Variants in ARFGEF1 observed in about 807,000 individuals in gnomAD.
ARFGEF1 encodes the protein brefeldin A-inhibited guanine nucleotide-exchange protein 1.
ARFGEF1 carries 42 observed loss-of-function variants against 231.0 expected under a neutral mutation model. The ratio of observed to expected loss-of-function variants is 0.18; its 90% CI spans 0.14 to 0.24. The LOEUF is 0.24. ARFGEF1 is among the 10% of genes least tolerant of loss of function. The pLI is 1.00. For missense variants in ARFGEF1, 1,345 were observed against 2,192.0 expected (o/e 0.61, Z 7.72); for synonymous variants, 710 against 732.3 (o/e 0.97, Z 0.49).
At chr8:67,271,045 G>GAAAAAAAAAAAAAAAAAAAAAA (rs1563878469) in intron 10 of ARFGEF1, among the ~76,000 whole-genome samples, 5 of 69,650 alleles carry the variant, frequency 7.2e-5, no homozygotes, top group East Asian at 7.6e-4. Flanking sequence ...AAAAAAAAAG[G>GAAAAAAAAAAAAAAAAAAAAAA]AAAAAGAAAA....
At chr8:67,257,639 T>C in intron 17 of ARFGEF1, 93 bp downstream of exon 17, 2 of 1,098,144 alleles carry the variant, frequency 1.8e-6, no homozygotes, top group Non-Finnish European at 2.7e-6. Context: ...TTTAACTGAA[T>C]AAAACTAAAA....
At chr8:67,328,640 T>C (rs549362207) in intron 1 of ARFGEF1, among the ~76,000 whole-genome samples, 6 of 152,216 alleles carry the variant, frequency 3.9e-5, no homozygotes, top group Non-Finnish European at 8.8e-5. Context: ...CACCTATCAC[T>C]GTTCTACCAT....
chr8:67,175,280 A>T, downstream of ARFGEF1: 1 of 1,590,618 alleles, frequency 6.3e-7, no homozygotes, highest in African/African-American at 1.4e-5. Context: ...GTTATATAAC[A>T]TATTTTTTAT....
chr8:67,285,538 AC>A (rs1231082462), intron 7 of ARFGEF1, among the ~76,000 whole-genome samples: 2 of 151,990 alleles, frequency 1.3e-5, no homozygotes, highest in Non-Finnish European at 2.9e-5. Context: ...AAAAAAAAAC[AC>A]TGGGTGAATA....
At chr8:67,267,265 A>T in intron 11 of ARFGEF1, 35 bp from the exon 12 acceptor site, 1 of 1,605,710 alleles carries the variant, frequency 6.2e-7, no homozygotes, top group Non-Finnish European at 8.5e-7. Context: ...AACAAAGTAC[A>T]TCTAGGATAT....
At chr8:67,200,098 G>A (rs1838272916) in intron 38 of ARFGEF1, 3 of 390,720 alleles carry the variant, frequency 7.7e-6, no homozygotes, top group South Asian at 5.9e-5. Flanking sequence ...ATGGGGCAAA[G>A]GGGGAGATTC....
In ARFGEF1 at chr8:67,253,436, A is replaced by T; in HGVS notation, c.2698+15T>A. 1 of 1,497,478 alleles carries T rather than the reference A, an allele frequency of 6.7e-7. No homozygotes were observed. The highest frequency in any genetic ancestry group is 2.3e-5 in the East Asian group (1 of 43,410). The allele number at this position is 1,497,478 out of a possible 1,614,324, so 92.8% of individuals were successfully genotyped here. On this transcript the variant is annotated intron_variant, in intron 18 of 38. Coordinates refer to ENST00000262215, the MANE Select transcript of ARFGEF1 (RefSeq NM_006421.5). ...CCCCTTGAACAATCAGAATTCAATTAATTTAGATACTTACTCTGTTTACTT... is the reference window on the plus strand; with the variant it reads ...CCCCTTGAACAATCAGAATTCAATTTATTTAGATACTTACTCTGTTTACTT...
intron 10 of ARFGEF1, among the ~76,000 whole-genome samples, chr8:67,268,817 T>C (rs1448477473): frequency 2.0e-5 from 3 of 152,238 alleles, no homozygotes; most frequent in Admixed American, 6.5e-5. Context: ...TCCATTAAGT[T>C]GTTTGGCCCT....
chr8:67,195,985 T>G (rs1189918461), downstream of ARFGEF1: 3 of 174,844 alleles, frequency 1.7e-5, no homozygotes, highest in Non-Finnish European at 3.7e-5. Context: ...AAGAATTCAT[T>G]TAGTAGGTAC....
At chr8:67,229,321 T>C (rs746511678) in intron 23 of ARFGEF1, among the ~76,000 whole-genome samples, 19 of 152,098 alleles carry the variant, frequency 1.2e-4, no homozygotes, top group Non-Finnish European at 2.6e-4. Context: ...GCCTCACACT[T>C]ACCTGAGCAA....
chr8:67,323,956 A>T (rs1270658342), intron 1 of ARFGEF1, among the ~76,000 whole-genome samples: 1 of 152,008 alleles, frequency 6.6e-6, no homozygotes, highest in Non-Finnish European at 1.5e-5. Flanking sequence ...ACCTGCCACT[A>T]CGCCTGGCTG....
chr8:67,246,574 C>A (rs1840114583), intron 19 of ARFGEF1, among the ~76,000 whole-genome samples: 1 of 149,598 alleles, frequency 6.7e-6, no homozygotes, highest in Non-Finnish European at 1.5e-5. Flanking sequence ...AATGAAGACA[C>A]AACGTACCCA....
intron 4 of ARFGEF1, among the ~76,000 whole-genome samples, chr8:67,298,216 T>G (rs540444415): frequency 6.6e-6 from 1 of 152,090 alleles, no homozygotes. Flanking sequence ...ACTTCATATA[T>G]ACACGTAAAA....
rs74996372 is a variant in ARFGEF1, at chr8:67,175,648, A to G, written c.561-76T>C. 2.5e-3 allele frequency: 1,711 copies of G among 675,410 alleles called. 37 individuals carry two copies. The East Asian group carries it at 0.045, about 18-fold the overall frequency. The allele number at this position is 675,410 out of a possible 1,614,324, so 41.8% of individuals were successfully genotyped here. On this transcript the variant is annotated intron_variant, in intron 5 of 5. Coordinates refer to the ARFGEF1 transcript ENST00000518789. Reference sequence around the variant, plus strand: ...CTAGGGTGGTGTATTCATGCATGAGAGGGGCCCAGTCATTCACTGTAGCCA... The same window carrying G: ...CTAGGGTGGTGTATTCATGCATGAGGGGGGCCCAGTCATTCACTGTAGCCA...
intron 37 of ARFGEF1, among the ~76,000 whole-genome samples, 200 bp downstream of exon 37, chr8:67,201,267 G>T (rs1302909259): frequency 2.0e-5 from 3 of 152,176 alleles, no homozygotes; most frequent in African/African-American, 4.8e-5. Flanking sequence ...CCTTTGTCCT[G>T]CATGTTAGAC....
At chr8:67,187,647 A>G (rs1394514418) in intron 5 of ARFGEF1, among the ~76,000 whole-genome samples, 1 of 151,924 alleles carries the variant, frequency 6.6e-6, no homozygotes, top group African/African-American at 2.4e-5. Flanking sequence ...TCACGCCACT[A>G]AACTCCAGCC....
downstream of ARFGEF1, among the ~76,000 whole-genome samples, chr8:67,193,289 G>T (rs1287207962): frequency 6.6e-6 from 1 of 152,116 alleles, no homozygotes; most frequent in Non-Finnish European, 1.5e-5. Flanking sequence ...TAGAGATGGG[G>T]TTTCACCATG....
chr8:67,321,706 C>T (rs192687706), intron 1 of ARFGEF1, among the ~76,000 whole-genome samples: 2,480 of 151,948 alleles, frequency 0.016, 68 homozygotes, highest in African/African-American at 0.057. Flanking sequence ...GTGATCCGCC[C>T]GCCTCAGCCT....
At position 67,198,076 on chromosome 8, in the gene ARFGEF1, T is replaced by C; in HGVS notation, c.*858A>G. 2.0e-6 allele frequency: 2 copies of C among 985,880 alleles called. No homozygotes were observed. Among genetic ancestry groups the C allele is most frequent in the Non-Finnish European group, 2.4e-6 (2 of 829,924 alleles). The allele number at this position is 985,880 out of a possible 1,614,324, so 61.1% of individuals were successfully genotyped here. A position where few individuals can be genotyped will look rare whatever the true frequency, so the allele number is the denominator to read the frequency against. On this transcript the variant is annotated 3_prime_UTR_variant, in exon 39 of 39. Transcript: ENST00000262215. ...AGTTTTGGTCCATAAAGGATCATTC[T>C]ATTTTAATGGCTCATCTTTAAAAGT...
Sources: allele counts gnomAD v4.1 joint callset (sites outside exome capture counted in the v4.1 genomes callset), GRCh38; gene constraint gnomAD v4.1.1; transcripts MANE v1.5; gene names NCBI Gene and HGNC (gene_info 2026-07-23, HGNC 2026-07-21).